Variants in FNDC3A observed in about 807,000 individuals in gnomAD.
The protein encoded by FNDC3A is fibronectin type-III domain-containing protein 3A.
FNDC3A carries 32 observed loss-of-function variants against 148.9 expected under a neutral mutation model. That is an observed-to-expected ratio of 0.21 (90% CI 0.16 to 0.29). The LOEUF is 0.29. FNDC3A is among the 10% of genes least tolerant of loss of function. The pLI, the probability that FNDC3A is intolerant of heterozygous loss-of-function variation, is 1.00. For synonymous variants in FNDC3A, 472 were observed against 473.6 expected (o/e 1.00, Z 0.04); for missense variants, 1,191 against 1,452.8 (o/e 0.82, Z 2.93).
intron 3 of FNDC3A, among the ~76,000 whole-genome samples, chr13:49,076,460 G>C (rs1483242648): frequency 6.6e-6 from 1 of 151,732 alleles, no homozygotes; most frequent in Non-Finnish European, 1.5e-5. Flanking sequence ...GGCCAGGCTG[G>C]TCTTGAATTC....
intron 5 of FNDC3A, among the ~76,000 whole-genome samples, chr13:49,133,330 A>G (rs1049769422): frequency 1.3e-5 from 2 of 152,234 alleles, no homozygotes; most frequent in African/African-American, 4.8e-5. Context: ...TGAGAAAACT[A>G]TAAGAAAAAG....
At chr13:49,080,982 G>T (rs1878429833) in intron 3 of FNDC3A, among the ~76,000 whole-genome samples, 1 of 152,130 alleles carries the variant, frequency 6.6e-6, no homozygotes, top group Non-Finnish European at 1.5e-5. Context: ...CTGATGCTTT[G>T]TATGGCACCC....
intron 2 of FNDC3A, among the ~76,000 whole-genome samples, chr13:49,010,035 T>G (rs1164129058): frequency 6.6e-6 from 1 of 152,212 alleles, no homozygotes; most frequent in Non-Finnish European, 1.5e-5. Context: ...TTTTTATTAC[T>G]TAAATTTCCC....
intron 3 of FNDC3A, among the ~76,000 whole-genome samples, chr13:49,098,969 C>G (rs1224744652): frequency 6.6e-6 from 1 of 152,036 alleles, no homozygotes; most frequent in African/African-American, 2.4e-5. Flanking sequence ...TGGTGAGTTC[C>G]TAGATCAAGG....
intron 3 of FNDC3A, among the ~76,000 whole-genome samples, chr13:49,078,002 C>G (rs1315248467): frequency 6.6e-6 from 1 of 152,110 alleles, no homozygotes; most frequent in African/African-American, 2.4e-5. Context: ...GTGTAAGTTT[C>G]TAATAGAGCA....
intron 7 of FNDC3A, among the ~76,000 whole-genome samples, chr13:49,144,387 TCA>T (rs907422860): frequency 6.6e-6 from 1 of 152,182 alleles, no homozygotes; most frequent in African/African-American, 2.4e-5. Context: ...TTTTTTTTAT[TCA>T]GACTTCGAGA....
intron 4 of FNDC3A, among the ~76,000 whole-genome samples, chr13:49,119,198 G>A (rs144721601): frequency 4.9e-4 from 75 of 152,312 alleles, no homozygotes; most frequent in African/African-American, 1.6e-3. Flanking sequence ...CTCTGTTGGC[G>A]ATACCCAGGC....
chr13:49,008,839 A>T (rs1952276648), intron 2 of FNDC3A, among the ~76,000 whole-genome samples: 1 of 152,138 alleles, frequency 6.6e-6, no homozygotes, highest in Non-Finnish European at 1.5e-5. Flanking sequence ...TCATTATTAA[A>T]ATAGATTTTA....
intron 11 of FNDC3A, among the ~76,000 whole-genome samples, chr13:49,173,611 T>TA (rs1219844653): frequency 6.6e-6 from 1 of 152,198 alleles, no homozygotes; most frequent in Non-Finnish European, 1.5e-5. Flanking sequence ...AAGCAAAAAG[T>TA]ACAGTCATGG....
chr13:49,129,674 A>G (rs1274103516), intron 4 of FNDC3A, among the ~76,000 whole-genome samples: 1 of 152,184 alleles, frequency 6.6e-6, no homozygotes, highest in Non-Finnish European at 1.5e-5. Context: ...ATAGGGAGAA[A>G]GGGGTCTGAG....
intron 3 of FNDC3A, among the ~76,000 whole-genome samples, chr13:49,110,686 G>T (rs141921996): frequency 6.6e-6 from 1 of 152,124 alleles, no homozygotes; most frequent in Non-Finnish European, 1.5e-5. Flanking sequence ...GGAAGCCATT[G>T]TGAACGCTGG....
At chr13:49,184,722 A>G (rs1236265070) in intron 14 of FNDC3A, among the ~76,000 whole-genome samples, 2 of 152,162 alleles carry the variant, frequency 1.3e-5, no homozygotes, top group African/African-American at 4.8e-5. Flanking sequence ...TTGTGGTAGC[A>G]GCTAAATGAA....
At chr13:48,977,068 G>C (rs1951617769) in intron 1 of FNDC3A, among the ~76,000 whole-genome samples, 1 of 152,186 alleles carries the variant, frequency 6.6e-6, no homozygotes. Context: ...TGATTTGCTG[G>C]GGGTGCTAGA....
intron 6 of FNDC3A, among the ~76,000 whole-genome samples, chr13:49,137,458 C>G (rs1423526450): frequency 2.0e-5 from 3 of 152,182 alleles, no homozygotes; most frequent in African/African-American, 7.2e-5. Context: ...GATTCTCGTG[C>G]CTCAGCCTCC....
intron 8 of FNDC3A, 89 bp downstream of exon 8, chr13:49,146,024 T>C (rs1311741939): frequency 4.0e-5 from 37 of 916,162 alleles, no homozygotes; most frequent in Non-Finnish European, 4.9e-5. Context: ...TACTTTTCCT[T>C]CTTCACGCTT....
chr13:49,035,501 A>G (rs1220345402), intron 2 of FNDC3A, among the ~76,000 whole-genome samples: 1 of 152,030 alleles, frequency 6.6e-6, no homozygotes, highest in African/African-American at 2.4e-5. Context: ...CATACCTATT[A>G]AGTAATAGAG....
Position 49,024,832 on chromosome 13 carries a change from G to A in FNDC3A, c.99+18543G>A, listed in dbSNP as rs552425048. ...TTCTCTAGGAACTGAAAAATAATTGGTTTTAATGAGTCCCAAATTAGCCAA... is the reference window on the plus strand; with the variant it reads ...TTCTCTAGGAACTGAAAAATAATTGATTTTAATGAGTCCCAAATTAGCCAA... On this transcript the variant is annotated intron_variant, in intron 2 of 25. Transcript: ENST00000492622. Among the ~76,000 whole-genome samples the A allele has an allele frequency of 9.9e-5, 15 of 152,028 alleles. No homozygotes were observed. The South Asian group carries it at 2.9e-3, about 29-fold the overall frequency.
chr13:49,114,413 C>G (rs1431418494), intron 3 of FNDC3A, among the ~76,000 whole-genome samples: 1 of 106,562 alleles, frequency 9.4e-6, no homozygotes, highest in South Asian at 2.9e-4. Flanking sequence ...TCCAACCTCC[C>G]CGCCCCCCAC....
At chr13:49,189,155 T>A (rs1456194241) in intron 17 of FNDC3A, among the ~76,000 whole-genome samples, 1 of 143,960 alleles carries the variant, frequency 6.9e-6, no homozygotes, top group Non-Finnish European at 1.5e-5. Flanking sequence ...GTATGTTTAT[T>A]AATGAGTGAT....
Sources: gnomAD v4.1 joint callset for allele counts (sites outside exome capture counted in the v4.1 genomes callset) on GRCh38, gnomAD v4.1.1 for gene constraint, MANE v1.5 for transcripts, NCBI Gene and HGNC (gene_info 2026-07-23, HGNC 2026-07-21) for gene names.